ARMH4: variants seen among roughly 807,000 people sequenced by gnomAD.
ARMH4 encodes armadillo-like helical domain-containing protein 4.
Under a neutral mutation model 61.9 loss-of-function variants are expected in ARMH4, and 49 were observed. The observed-to-expected ratio is 0.79, with a 90% CI of 0.63 to 1.00. The LOEUF (loss-of-function observed/expected upper bound fraction) is 1.00. Ranked by LOEUF, ARMH4 falls within the 50% of genes least tolerant of loss-of-function variation. The probability of loss-of-function intolerance (pLI) is 0.00; values close to 1 mark genes in which losing one functional copy is unlikely to be tolerated. For synonymous variants in ARMH4, 368 were observed against 341.5 expected (o/e 1.08, Z -0.85); for missense variants, 934 against 930.0 (o/e 1.00, Z -0.06).
chr14:58,051,606 C>T (rs1051682863), intron 5 of ARMH4, among the ~76,000 whole-genome samples: 1 of 152,220 alleles, frequency 6.6e-6, no homozygotes, highest in African/African-American at 2.4e-5. Context: ...CTCTTTGCCT[C>T]TCTCTCCTTA....
At chr14:58,027,755 T>C (rs1365824109) in intron 5 of ARMH4, among the ~76,000 whole-genome samples, 1 of 151,948 alleles carries the variant, frequency 6.6e-6, no homozygotes, top group East Asian at 1.9e-4. Context: ...CTTTGGGAGG[T>C]GATGGATATG....
chr14:58,065,220 AAC>A (rs908021358), intron 5 of ARMH4, among the ~76,000 whole-genome samples: 1 of 152,158 alleles, frequency 6.6e-6, no homozygotes, highest in African/African-American at 2.4e-5. Context: ...CCAGCCTGAC[AAC>A]AGAGTGAGAC....
rs1459066680 is a variant in ARMH4 at position 58,036,945 on chromosome 14, G to A, written c.2090-24795C>T. 8.2e-5 allele frequency among the ~76,000 whole-genome samples: 10 copies of A among 121,440 alleles called. 3 individuals are homozygous for A. The highest frequency in any genetic ancestry group is 1.3e-4 in the Non-Finnish European group (7 of 54,240). The allele number at this position is 121,440 out of a possible 152,430, so 79.7% of individuals were successfully genotyped here. A position where few individuals can be genotyped will look rare whatever the true frequency, so the allele number is the denominator to read the frequency against. On this transcript the variant is annotated intron_variant, in intron 5 of 7. Transcript: ENST00000267485. ...AACGTTCCATGCTCATGGGTAGGAA[G>A]AATCAATATCGTGAAAACGGCCATA...
chr14:58,085,716 C>A (rs553123897), intron 5 of ARMH4, among the ~76,000 whole-genome samples: 53 of 152,178 alleles, frequency 3.5e-4, no homozygotes, highest in Admixed American at 1.0e-3. Context: ...TTATTTCACA[C>A]AGATCGTAAG....
chr14:58,096,291 A>C (rs1430382733), intron 5 of ARMH4, among the ~76,000 whole-genome samples: 1 of 152,198 alleles, frequency 6.6e-6, no homozygotes, highest in Non-Finnish European at 1.5e-5. Flanking sequence ...GGAACAAAAA[A>C]TGCATTTGTT....
intron 5 of ARMH4, among the ~76,000 whole-genome samples, chr14:58,067,223 G>A (rs1222795919): frequency 1.3e-5 from 2 of 152,154 alleles, no homozygotes; most frequent in Non-Finnish European, 2.9e-5. Flanking sequence ...AACAGAGAGG[G>A]TTATTTGTCT....
intron 5 of ARMH4, among the ~76,000 whole-genome samples, chr14:58,059,089 G>A (rs1054632559): frequency 6.6e-6 from 1 of 152,204 alleles, no homozygotes; most frequent in East Asian, 1.9e-4. Context: ...GCTGAACCAT[G>A]CGGTAGACAG....
intron 5 of ARMH4, among the ~76,000 whole-genome samples, chr14:58,058,525 GA>G (rs1490914068): frequency 6.6e-6 from 1 of 152,130 alleles, no homozygotes; most frequent in African/African-American, 2.4e-5. Flanking sequence ...GCAATTCCAG[GA>G]ACTGAGGGTT....
chr14:58,024,037 T>C (rs760173624), intron 5 of ARMH4, among the ~76,000 whole-genome samples: 5 of 152,194 alleles, frequency 3.3e-5, no homozygotes, highest in Non-Finnish European at 4.4e-5. Flanking sequence ...GCATAATTCT[T>C]AAGGGCCCTA....
At chr14:58,105,150 T>C (rs1046594329) in intron 4 of ARMH4, among the ~76,000 whole-genome samples, 2 of 152,160 alleles carry the variant, frequency 1.3e-5, no homozygotes, top group African/African-American at 2.4e-5. Flanking sequence ...AATAAAACTA[T>C]GCCAAAAATA....
At chr14:58,051,216 C>CAG (rs1884131150) in intron 5 of ARMH4, among the ~76,000 whole-genome samples, 1 of 151,950 alleles carries the variant, frequency 6.6e-6, no homozygotes, top group South Asian at 2.1e-4. Context: ...GTTTGAAGAG[C>CAG]AGCACAGAGG....
chr14:58,069,504 T>C (rs1281524086), intron 5 of ARMH4, among the ~76,000 whole-genome samples: 1 of 152,152 alleles, frequency 6.6e-6, no homozygotes, highest in Non-Finnish European at 1.5e-5. Flanking sequence ...TTTCATCTGA[T>C]AGGGAACAAT....
chr14:58,132,577 G>C (rs1289220955), intron 3 of ARMH4, among the ~76,000 whole-genome samples: 2 of 81,904 alleles, frequency 2.4e-5, no homozygotes, highest in Non-Finnish European at 6.2e-5. Flanking sequence ...CTAAACCCTT[G>C]TCCCTTTTTT....
intron 5 of ARMH4, among the ~76,000 whole-genome samples, chr14:58,066,225 C>T (rs1054537553): frequency 1.3e-5 from 2 of 152,238 alleles, no homozygotes; most frequent in Admixed American, 6.5e-5. Context: ...CCTGGTAATA[C>T]TATCTCAGCA....
Position 58,096,829 on chromosome 14 carries a change from T to C in ARMH4, c.1984A>G (p.Thr662Ala). The C allele has an allele frequency of 6.2e-7, 1 of 1,614,134 alleles. No individual in the cohort carries two copies. Among genetic ancestry groups the C allele is most frequent in the Non-Finnish European group, 8.5e-7 (1 of 1,180,026 alleles). The change falls in exon 5 of 8, where the codon ACA (threonine) becomes GCA (alanine). Residue 662 changes from threonine to alanine, a missense_variant. Transcript: ENST00000267485. ...ELPGFTLPGITSQEPGLEEGN... is the reference protein window; with the variant it reads ...ELPGFTLPGIASQEPGLEEGN... ...TCCTCTAAGCCTGGTTCCTGGGATG[T>C]GATACCAGGGAGGGTAAAACCTGGC...
chr14:58,086,546 T>C (rs1885388195), intron 5 of ARMH4, among the ~76,000 whole-genome samples: 1 of 152,146 alleles, frequency 6.6e-6, no homozygotes, highest in Non-Finnish European at 1.5e-5. Flanking sequence ...TAACCTTATG[T>C]TATCTAAAAA....
At chr14:58,110,945 G>A (rs937873974) in intron 4 of ARMH4, among the ~76,000 whole-genome samples, 7 of 151,602 alleles carry the variant, frequency 4.6e-5, no homozygotes, top group African/African-American at 1.7e-4. Context: ...GGAGAGACGG[G>A]GTTTTACCAT....
intron 6 of ARMH4, among the ~76,000 whole-genome samples, chr14:58,010,493 A>G (rs1222947990): frequency 2.0e-5 from 3 of 152,138 alleles, no homozygotes; most frequent in Non-Finnish European, 2.9e-5. Flanking sequence ...GACAGTCACT[A>G]TTGGAATTCA....
chr14:58,102,492 C>G (rs1013622031), intron 4 of ARMH4, among the ~76,000 whole-genome samples: 1 of 152,064 alleles, frequency 6.6e-6, no homozygotes, highest in Non-Finnish European at 1.5e-5. Context: ...CTTGGTGGAC[C>G]TTAAGTACAA....
Sources: allele counts gnomAD v4.1 joint callset (sites outside exome capture counted in the v4.1 genomes callset), GRCh38; gene constraint gnomAD v4.1.1; transcripts MANE v1.5; gene names NCBI Gene and HGNC (gene_info 2026-07-23, HGNC 2026-07-21).